The following CNOT6L variants were observed in gnomAD, a reference collection of about 807,000 sequenced individuals.
The protein encoded by CNOT6L is CCR4-NOT transcription complex subunit 6 like.
A neutral mutation model predicts 64.0 loss-of-function variants in CNOT6L; 7 were observed. That is an observed-to-expected ratio of 0.11 (90% CI 0.06 to 0.21). The LOEUF is 0.21. Among genes scored for constraint, CNOT6L ranks in the 10% least tolerant of loss-of-function variants. CNOT6L has a pLI of 1.00. For synonymous variants in CNOT6L, 193 were observed against 243.4 expected (o/e 0.79, Z 1.93); for missense variants, 245 against 669.0 (o/e 0.37, Z 6.99).
chr4:77,770,282 A>C (rs1284894767), intron 4 of CNOT6L, among the ~76,000 whole-genome samples: 1 of 152,190 alleles, frequency 6.6e-6, no homozygotes, highest in South Asian at 2.1e-4. Flanking sequence ...TCAAGACAAA[A>C]TGTCTCAGAA....
chr4:77,724,000 C>A (rs1013410826), intron 11 of CNOT6L, among the ~76,000 whole-genome samples: 6 of 152,250 alleles, frequency 3.9e-5, no homozygotes, highest in African/African-American at 1.2e-4. Flanking sequence ...TGGCTCACAC[C>A]TGTAATCCTA....
chr4:77,773,677 TAATAAA>T (rs1727853514), intron 3 of CNOT6L, among the ~76,000 whole-genome samples: 1 of 151,692 alleles, frequency 6.6e-6, no homozygotes, highest in Admixed American at 6.6e-5. Flanking sequence ...ACCAAAAATT[TAATAAA>T]AATAAAAAGA....
intron 1 of CNOT6L, among the ~76,000 whole-genome samples, chr4:77,791,306 A>C (rs1730123068): frequency 6.6e-6 from 1 of 152,200 alleles, no homozygotes; most frequent in African/African-American, 2.4e-5. Flanking sequence ...CATCTTCAGC[A>C]TCATCTTTGT....
chr4:77,761,221 A>G (rs1057359399), intron 4 of CNOT6L, among the ~76,000 whole-genome samples: 1 of 152,052 alleles, frequency 6.6e-6, no homozygotes, highest in Non-Finnish European at 1.5e-5. Flanking sequence ...ACAAACAAAC[A>G]AAACAAAACA....
rs1414081018 is a variant in CNOT6L at position 77,715,031 on chromosome 4, AAGTT to A, written c.*5396_*5399del. 1 of 152,242 alleles carries A rather than the reference AAGTT, an allele frequency of 6.6e-6. No homozygotes were observed. Among genetic ancestry groups the A allele is most frequent in the Non-Finnish European group, 1.5e-5 (1 of 68,014 alleles). 9.4% of individuals were successfully genotyped at this position (152,242 alleles called of 1,614,324 possible). A position where few individuals can be genotyped will look rare whatever the true frequency, so the allele number is the denominator to read the frequency against. On this transcript the variant is annotated 3_prime_UTR_variant, in exon 12 of 12. Transcript: ENST00000504123. ...TGAAAGACAATACATCAGTGATTTG[AAGTT>A]AATACGAAACTGAAATGAGCAAGAA...
chr4:77,819,353 C>T lies in CNOT6L; in HGVS notation c.-45G>A. 6.2e-7 allele frequency: 1 copy of T among 1,612,880 alleles called. No individual in the cohort carries two copies. The highest frequency in any genetic ancestry group is 8.5e-7 in the Non-Finnish European group (1 of 1,179,408). The stretch of plus-strand genomic sequence containing the variant: ...AGCAACAGCAGCCATTTCCCCGCGG[C>T]AGGGGAAACACACACACAAACACGC... On this transcript the variant is annotated 5_prime_UTR_variant, in exon 1 of 12. Transcript: ENST00000504123.
chr4:77,791,853 T>C (rs115379879), intron 1 of CNOT6L, among the ~76,000 whole-genome samples: 1 of 152,134 alleles, frequency 6.6e-6, no homozygotes, highest in Non-Finnish European at 1.5e-5. Flanking sequence ...ACACTGCATG[T>C]TCTTAATTTA....
chr4:77,775,886 T>C (rs1217418558), intron 2 of CNOT6L, among the ~76,000 whole-genome samples: 5 of 152,134 alleles, frequency 3.3e-5, no homozygotes, highest in African/African-American at 2.4e-5. Context: ...TGTAACACAG[T>C]TATTATATAT....
intron 1 of CNOT6L, among the ~76,000 whole-genome samples, chr4:77,803,866 G>A (rs6533269): frequency 0.79 from 119,369 of 151,652 alleles, 47,822 homozygotes; most frequent in Non-Finnish European, 0.86. Flanking sequence ...TCATGCTATT[G>A]CACTCCAGCC....
In CNOT6L at chr4:77,743,878, A is replaced by T. The variant is rs116336266; in HGVS notation, c.717+840T>A. ...CGGCCTCCCAGAGTACTGGGACTAT[A>T]GGCGTGAGCCACCATGCCCGGCCTG... is the stretch of plus-strand genomic sequence containing the variant. On this transcript the variant is annotated intron_variant, in intron 7 of 11. Coordinates refer to ENST00000504123, the MANE Select transcript of CNOT6L (RefSeq NM_144571.3). Among the ~76,000 whole-genome samples, 923 of 152,216 alleles carry T rather than the reference A, an allele frequency of 6.1e-3. 4 individuals carry two copies. Among genetic ancestry groups the T allele is most frequent in the Non-Finnish European group, 7.2e-3 (488 of 67,998 alleles).
In CNOT6L at chr4:77,714,515, A is replaced by G. The variant is rs2109824550; in HGVS notation, c.*5916T>C. 1 of 152,368 alleles carries G rather than the reference A, an allele frequency of 6.6e-6. No individual in the cohort carries two copies. The highest frequency in any genetic ancestry group is 1.5e-5 in the Non-Finnish European group (1 of 67,972). 9.4% of individuals were successfully genotyped at this position (152,368 alleles called of 1,614,324 possible). A position where few individuals can be genotyped will look rare whatever the true frequency, so the allele number is the denominator to read the frequency against. ...CCCACTCCAGAGACAACAAAGCCAA[A>G]GATGAAACATTCAACCTTCTCAAAA... On this transcript the variant is annotated 3_prime_UTR_variant, in exon 12 of 12. Transcript: ENST00000504123.
chr4:77,772,758 T>C (rs1249222117), intron 4 of CNOT6L, among the ~76,000 whole-genome samples: 1 of 151,912 alleles, frequency 6.6e-6, no homozygotes, highest in Non-Finnish European at 1.5e-5. Flanking sequence ...CCGTCTCTAC[T>C]AAAAATACAA....
At chr4:77,787,058 G>A (rs1729533342) in intron 1 of CNOT6L, among the ~76,000 whole-genome samples, 2 of 151,922 alleles carry the variant, frequency 1.3e-5, no homozygotes, top group African/African-American at 4.8e-5. Flanking sequence ...CTGAGGTCAG[G>A]AGTTCAAGAC....
At chr4:77,722,945 G>C (rs917217231) in intron 11 of CNOT6L, among the ~76,000 whole-genome samples, 1 of 150,744 alleles carries the variant, frequency 6.6e-6, no homozygotes, top group Non-Finnish European at 1.5e-5. Context: ...TAAGTCTATA[G>C]AACTGTATTT....
rs200614151 is a variant in CNOT6L, at chr4:77,819,330, C to T, written c.-22G>A. ...TCATTCTCTTCCTCTGGCCCAGAAG[C>T]AACAGCAGCCATTTCCCCGCGGCAG... On this transcript the variant is annotated 5_prime_UTR_variant, in exon 1 of 12. Transcript: ENST00000504123. 3.2e-5 allele frequency: 51 copies of T among 1,613,344 alleles called. No homozygotes were observed. The highest frequency in any genetic ancestry group is 3.0e-5 in the Non-Finnish European group (35 of 1,179,664).
chr4:77,765,926 T>C (rs894207866), intron 4 of CNOT6L, among the ~76,000 whole-genome samples: 2 of 152,238 alleles, frequency 1.3e-5, no homozygotes, highest in African/African-American at 4.8e-5. Context: ...CTCAATTGCA[T>C]GCAATACAAA....
intron 9 of CNOT6L, among the ~76,000 whole-genome samples, chr4:77,731,163 G>T (rs1000697721): frequency 6.6e-6 from 1 of 152,022 alleles, no homozygotes; most frequent in Non-Finnish European, 1.5e-5. Flanking sequence ...ACTTTACATA[G>T]ATTATCTGGT....
chr4:77,748,182 T>G (rs960220820), intron 6 of CNOT6L, 134 bp downstream of exon 6: 12 of 688,560 alleles, frequency 1.7e-5, no homozygotes, highest in African/African-American at 1.6e-4. Flanking sequence ...TTTTTAAAAG[T>G]CTATCCATCA....
rs1728113486 is a variant in CNOT6L, at chr4:77,776,123, C to T, written c.127+148G>A. ...ATGGAAACAAAGATATTCAGTCACA[C>T]ATAAAACAGAAAACACTAGTATCTT... is the stretch of plus-strand genomic sequence containing the variant. On this transcript the variant is annotated intron_variant, in intron 2 of 11. Coordinates refer to ENST00000504123, the MANE Select transcript of CNOT6L (RefSeq NM_144571.3). The T allele has an allele frequency of 1.2e-5, 9 of 739,986 alleles. No individual in the cohort carries two copies. In the East Asian group the frequency reaches 2.3e-4, roughly 19 times the overall value. 45.8% of individuals were successfully genotyped at this position (739,986 alleles called of 1,614,324 possible). A position where few individuals can be genotyped will look rare whatever the true frequency, so the allele number is the denominator to read the frequency against.
Sources: gnomAD v4.1 joint callset for allele counts (sites outside exome capture counted in the v4.1 genomes callset) on GRCh38, gnomAD v4.1.1 for gene constraint, MANE v1.5 for transcripts, NCBI Gene and HGNC (gene_info 2026-07-23, HGNC 2026-07-21) for gene names.